Variants in CDH18 observed in about 807,000 individuals in gnomAD.
CDH18 encodes the protein cadherin 18.
Under a neutral mutation model 67.9 loss-of-function variants are expected in CDH18, and 31 were observed. The observed-to-expected ratio is 0.46, with a 90% CI of 0.34 to 0.62. CDH18 has a LOEUF of 0.62. CDH18 is among the 20% of genes least tolerant of loss of function. The pLI, the probability that CDH18 is intolerant of heterozygous loss-of-function variation, is 0.01. For synonymous variants in CDH18, 362 were observed against 347.2 expected (o/e 1.04, Z -0.48); for missense variants, 890 against 975.5 (o/e 0.91, Z 1.17).
intron 3 of CDH18, among the ~76,000 whole-genome samples, chr5:19,838,452 A>C (rs193195701): frequency 2.6e-5 from 4 of 152,296 alleles, no homozygotes; most frequent in Admixed American, 2.0e-4. Context: ...AAAATTACTT[A>C]ATTGTGTGTT....
intron 11 of CDH18, among the ~76,000 whole-genome samples, chr5:19,490,947 A>G (rs1265093726): frequency 1.3e-5 from 2 of 152,176 alleles, no homozygotes; most frequent in Admixed American, 6.5e-5. Context: ...CAGAGAGAGA[A>G]CAAAAGCATA....
chr5:20,318,601 C>G (rs1207687917), intron 1 of CDH18, among the ~76,000 whole-genome samples: 2 of 152,056 alleles, frequency 1.3e-5, no homozygotes, highest in African/African-American at 4.8e-5. Flanking sequence ...GTTGTCTCTT[C>G]CTCCTGCTCC....
At chr5:19,951,882 C>G (rs1413882724) in intron 2 of CDH18, among the ~76,000 whole-genome samples, 1 of 152,072 alleles carries the variant, frequency 6.6e-6, no homozygotes, top group Non-Finnish European at 1.5e-5. Flanking sequence ...AATATCAAAT[C>G]TGTTACATTC....
At chr5:20,107,396 C>CA (rs1747056279) in intron 2 of CDH18, among the ~76,000 whole-genome samples, 1 of 152,176 alleles carries the variant, frequency 6.6e-6, no homozygotes, top group Non-Finnish European at 1.5e-5. Flanking sequence ...CTTTCCTGAA[C>CA]AGAAATCAAA....
intron 11 of CDH18, among the ~76,000 whole-genome samples, chr5:19,490,493 C>T (rs1741280968): frequency 7.7e-6 from 1 of 130,350 alleles, no homozygotes; most frequent in South Asian, 2.6e-4. Context: ...TGGCTTACTG[C>T]AACCTTCACC....
In CDH18 at chr5:20,060,731, CT is replaced by C. The variant is rs886965796; in HGVS notation, c.-517-68718del. Reference sequence around the variant, plus strand: ...TTAATGCAAATAAAAATACAGTATTCTACTTAAACTTGCATCAAACAGAGAA... The same window carrying C: ...TTAATGCAAATAAAAATACAGTATTCACTTAAACTTGCATCAAACAGAGAA... On this transcript the variant is annotated intron_variant, in intron 2 of 14. Transcript: ENST00000507958. Among the ~76,000 whole-genome samples the C allele has an allele frequency of 6.6e-5, 10 of 152,118 alleles. No homozygotes were observed. The East Asian group carries it at 1.9e-3, about 29-fold the overall frequency.
At chr5:20,505,190 T>G (rs757847050) in intron 1 of CDH18, among the ~76,000 whole-genome samples, 53 of 152,264 alleles carry the variant, frequency 3.5e-4, no homozygotes, top group Non-Finnish European at 6.2e-4. Context: ...ATAAGTACAG[T>G]CTGTTACAAA....
At chr5:20,382,841 T>C (rs1744022762) in intron 1 of CDH18, among the ~76,000 whole-genome samples, 1 of 152,278 alleles carries the variant, frequency 6.6e-6, no homozygotes, top group African/African-American at 2.4e-5. Context: ...TGTGGACTGT[T>C]TTTTTCTCCA....
intron 11 of CDH18, among the ~76,000 whole-genome samples, chr5:19,493,861 A>C (rs1741867272): frequency 6.6e-6 from 1 of 152,138 alleles, no homozygotes; most frequent in African/African-American, 2.4e-5. Flanking sequence ...AATATTGAAA[A>C]ATCCCTTATT....
intron 2 of CDH18, among the ~76,000 whole-genome samples, chr5:19,975,013 A>G (rs1798370483): frequency 6.6e-6 from 1 of 152,210 alleles, no homozygotes; most frequent in Non-Finnish European, 1.5e-5. Context: ...ACTCCTGTGC[A>G]GTAGGCCAAG....
intron 3 of CDH18, among the ~76,000 whole-genome samples, chr5:19,810,048 G>A (rs1778475532): frequency 6.6e-6 from 1 of 152,148 alleles, no homozygotes; most frequent in African/African-American, 2.4e-5. Context: ...GTCAAAATGA[G>A]GCCTGGTGAG....
chr5:20,460,410 A>C (rs868812421), intron 1 of CDH18, among the ~76,000 whole-genome samples: 7 of 128,042 alleles, frequency 5.5e-5, no homozygotes, highest in East Asian at 2.0e-4. Context: ...TAAATAAATA[A>C]ATAAATAAAT....
chr5:19,887,048 T>C (rs962366925), intron 2 of CDH18, among the ~76,000 whole-genome samples: 1 of 152,104 alleles, frequency 6.6e-6, no homozygotes, highest in Non-Finnish European at 1.5e-5. Flanking sequence ...AAGGTCAGTA[T>C]AAATACACAT....
chr5:20,453,330 TTG>T (rs1750603304), intron 1 of CDH18, among the ~76,000 whole-genome samples: 3 of 152,192 alleles, frequency 2.0e-5, no homozygotes, highest in Non-Finnish European at 4.4e-5. Context: ...GCATTTTAAT[TTG>T]ACTTGTGAGC....
intron 5 of CDH18, among the ~76,000 whole-genome samples, chr5:19,698,589 T>C (rs563736924): frequency 1.3e-5 from 2 of 152,098 alleles, no homozygotes; most frequent in African/African-American, 2.4e-5. Context: ...TATAAGTAGA[T>C]AGAATGTTGT....
intron 1 of CDH18, among the ~76,000 whole-genome samples, chr5:20,560,483 AC>A (rs1758144163): frequency 6.6e-6 from 1 of 150,504 alleles, no homozygotes; most frequent in Non-Finnish European, 1.5e-5. Context: ...ACACACACAC[AC>A]ACACACACAC....
In CDH18 at chr5:19,540,142, A is replaced by C. The variant is rs115461275; in HGVS notation, c.1390+3727T>G. On this transcript the variant is annotated intron_variant, in intron 9 of 12. Transcript: ENST00000382275. ...AATATAGCCATTCCAAATGGGAAAA[A>C]TTGGCCGAAACAAAGGGGCTACAGG... Among the ~76,000 whole-genome samples the C allele has an allele frequency of 8.7e-3, 1,328 of 152,246 alleles. 28 individuals are homozygous for C. The highest frequency in any genetic ancestry group is 0.03 in the African/African-American group (1,258 of 41,552).
At chr5:20,495,948 T>G (rs1753881049) in intron 1 of CDH18, among the ~76,000 whole-genome samples, 1 of 152,040 alleles carries the variant, frequency 6.6e-6, no homozygotes, top group Non-Finnish European at 1.5e-5. Flanking sequence ...AATAAAAGTT[T>G]GTGAATTGGA....
chr5:19,613,915 A>G (rs13168993), intron 5 of CDH18, among the ~76,000 whole-genome samples: 86,863 of 151,958 alleles, frequency 0.57, 27,383 homozygotes, highest in South Asian at 0.75. Context: ...CTTCAAACAT[A>G]AGTCATTTTT....
Sources: gnomAD v4.1 joint callset for allele counts (sites outside exome capture counted in the v4.1 genomes callset) on GRCh38, gnomAD v4.1.1 for gene constraint, MANE v1.5 for transcripts, NCBI Gene and HGNC (gene_info 2026-07-23, HGNC 2026-07-21) for gene names.